PTPRD: variants seen among roughly 807,000 people sequenced by gnomAD.
PTPRD encodes the protein receptor-type tyrosine-protein phosphatase delta.
PTPRD carries 34 observed loss-of-function variants against 214.5 expected under a neutral mutation model. The observed-to-expected ratio is 0.16, with a 90% CI of 0.12 to 0.21. The LOEUF (loss-of-function observed/expected upper bound fraction) is 0.21, where lower values mean the gene tolerates loss of function less well. PTPRD is among the 10% of genes least tolerant of loss of function. PTPRD has a pLI of 1.00. For missense variants in PTPRD, 2,545 were observed against 2,398.7 expected (o/e 1.06, Z -1.27); for synonymous variants, 1,128 against 845.7 (o/e 1.33, Z -5.79).
intron 12 of PTPRD, among the ~76,000 whole-genome samples, chr9:8,684,015 G>C (rs893763247): frequency 3.3e-5 from 5 of 152,130 alleles, no homozygotes; most frequent in Admixed American, 1.3e-4. Flanking sequence ...TTGTGAGTAG[G>C]TAAGGTCAGA....
intron 5 of PTPRD, among the ~76,000 whole-genome samples, chr9:9,864,391 G>C (rs1165972164): frequency 6.6e-6 from 1 of 152,076 alleles, no homozygotes; most frequent in Non-Finnish European, 1.5e-5. Flanking sequence ...GTTGGGAATA[G>C]AGGTCTAGAA....
chr9:10,229,295 A>G (rs957923328), intron 3 of PTPRD, among the ~76,000 whole-genome samples: 10 of 152,054 alleles, frequency 6.6e-5, no homozygotes, highest in East Asian at 3.9e-4. Flanking sequence ...TCACTGTGGC[A>G]ATTCCTCAGG....
intron 11 of PTPRD, among the ~76,000 whole-genome samples, chr9:8,834,427 A>ACCTG (rs58411290): frequency 0.73 from 110,075 of 151,474 alleles, 40,168 homozygotes; most frequent in African/African-American, 0.8. Context: ...CTCTTTTATA[A>ACCTG]CCTGTTTTTG....
At chr9:9,718,698 T>C (rs1304376428) in intron 7 of PTPRD, among the ~76,000 whole-genome samples, 2 of 152,230 alleles carry the variant, frequency 1.3e-5, no homozygotes, top group Non-Finnish European at 2.9e-5. Flanking sequence ...CCAGGTGCTG[T>C]TGTGACCTGG....
chr9:8,821,572 C>T (rs2154526793), intron 11 of PTPRD, among the ~76,000 whole-genome samples: 1 of 152,336 alleles, frequency 6.6e-6, no homozygotes, highest in Middle Eastern at 3.4e-3. Flanking sequence ...AATGCAGTCA[C>T]CTCTTCTTTC....
intron 3 of PTPRD, among the ~76,000 whole-genome samples, chr9:10,054,178 C>T (rs185015651): frequency 1.3e-5 from 2 of 152,130 alleles, no homozygotes; most frequent in African/African-American, 4.8e-5. Context: ...CCCCAATGGC[C>T]AATGATGGAA....
At chr9:9,806,414 A>T (rs574352632) in intron 5 of PTPRD, among the ~76,000 whole-genome samples, 1 of 152,126 alleles carries the variant, frequency 6.6e-6, no homozygotes, top group African/African-American at 2.4e-5. Flanking sequence ...TGATATTCCC[A>T]TCCTTGTGAA....
chr9:8,991,796 A>G (rs1255975307), intron 11 of PTPRD, among the ~76,000 whole-genome samples: 1 of 152,118 alleles, frequency 6.6e-6, no homozygotes, highest in African/African-American at 2.4e-5. Flanking sequence ...CATAATTAAG[A>G]TTTGGAAATC....
chr9:9,952,154 G>C (rs916006647), intron 4 of PTPRD, among the ~76,000 whole-genome samples: 1 of 152,102 alleles, frequency 6.6e-6, no homozygotes, highest in Non-Finnish European at 1.5e-5. Context: ...AGAGTCTAGA[G>C]GACACAATCC....
intron 11 of PTPRD, among the ~76,000 whole-genome samples, chr9:8,970,527 A>C (rs1347209639): frequency 2.0e-5 from 3 of 151,804 alleles, no homozygotes; most frequent in Non-Finnish European, 4.4e-5. Context: ...AATCAAATAC[A>C]AGAATTCATG....
chr9:10,222,797 G>C (rs1221120987), intron 3 of PTPRD, among the ~76,000 whole-genome samples: 1 of 151,952 alleles, frequency 6.6e-6, no homozygotes, highest in Non-Finnish European at 1.5e-5. Context: ...GATCTGAAAT[G>C]ACAATAAAAC....
chr9:8,646,317 T>G (rs1046217477), intron 12 of PTPRD, among the ~76,000 whole-genome samples: 4 of 152,214 alleles, frequency 2.6e-5, no homozygotes, highest in African/African-American at 9.6e-5. Flanking sequence ...TCTTTGAGTT[T>G]TGTTTTCTAA....
At chr9:10,359,610 G>A (rs1212511009) in intron 2 of PTPRD, among the ~76,000 whole-genome samples, 1 of 152,076 alleles carries the variant, frequency 6.6e-6, no homozygotes, top group Non-Finnish European at 1.5e-5. Flanking sequence ...AGTATTAACT[G>A]GCAGTGTAAT....
intron 9 of PTPRD, among the ~76,000 whole-genome samples, chr9:9,382,718 T>A (rs1000130304): frequency 2.6e-5 from 4 of 152,102 alleles, no homozygotes; most frequent in Non-Finnish European, 4.4e-5. Flanking sequence ...TGTAAAACAG[T>A]ACAGCTATTA....
chr9:8,851,263 T>G (rs1433968489), intron 11 of PTPRD, among the ~76,000 whole-genome samples: 1 of 152,086 alleles, frequency 6.6e-6, no homozygotes, highest in Non-Finnish European at 1.5e-5. Context: ...TCTAAACATT[T>G]CTTCCCCCAA....
At chr9:9,533,434 C>T (rs1324126294) in intron 8 of PTPRD, among the ~76,000 whole-genome samples, 1 of 152,052 alleles carries the variant, frequency 6.6e-6, no homozygotes, top group Non-Finnish European at 1.5e-5. Flanking sequence ...CCTCTTATTG[C>T]ACCATGGCAT....
chr9:9,285,636 C>A (rs1949109449), intron 9 of PTPRD, among the ~76,000 whole-genome samples: 1 of 151,606 alleles, frequency 6.6e-6, no homozygotes, highest in Non-Finnish European at 1.5e-5. Context: ...TTTTTTAATT[C>A]TTTCTATTCT....
intron 10 of PTPRD, among the ~76,000 whole-genome samples, chr9:9,072,282 C>CAG (rs768348988): frequency 2.0e-5 from 2 of 99,582 alleles, no homozygotes; most frequent in Non-Finnish European, 4.1e-5. Flanking sequence ...TGGCAACTTA[C>CAG]ACACACACAC....
chr9:8,823,711 G>A (rs149550202), intron 11 of PTPRD, among the ~76,000 whole-genome samples: 8 of 152,132 alleles, frequency 5.3e-5, no homozygotes, highest in Non-Finnish European at 7.4e-5. Context: ...AAGGAAAGGC[G>A]GAAGGAAGGA....
Sources: gnomAD v4.1 joint callset for allele counts (sites outside exome capture counted in the v4.1 genomes callset) on GRCh38, gnomAD v4.1.1 for gene constraint, MANE v1.5 for transcripts, NCBI Gene and HGNC (gene_info 2026-07-23, HGNC 2026-07-21) for gene names.